Variants in NKAIN2 observed in about 807,000 individuals in gnomAD.
The protein encoded by NKAIN2 is sodium/potassium-transporting ATPase subunit beta-1-interacting protein 2.
NKAIN2 carries 14 observed loss-of-function variants against 32.6 expected under a neutral mutation model. That is an observed-to-expected ratio of 0.43 (90% CI 0.28 to 0.67). NKAIN2 has a LOEUF of 0.67. Among genes scored for constraint, NKAIN2 ranks in the 30% least tolerant of loss-of-function variants. The pLI is 0.17. For missense variants in NKAIN2, 198 were observed against 258.3 expected (o/e 0.77, Z 1.60); for synonymous variants, 80 against 87.2 (o/e 0.92, Z 0.46).
At chr6:124,661,336 G>C (rs542983570) in intron 4 of NKAIN2, among the ~76,000 whole-genome samples, 60 of 152,298 alleles carry the variant, frequency 3.9e-4, no homozygotes, top group Admixed American at 1.2e-3. Context: ...GCTTAGATCT[G>C]CTTTCATAAA....
chr6:124,165,297 A>T (rs1366576809), intron 1 of NKAIN2, among the ~76,000 whole-genome samples: 1 of 152,076 alleles, frequency 6.6e-6, no homozygotes, highest in African/African-American at 2.4e-5. Flanking sequence ...AAAAATTGGA[A>T]TCACTAATTA....
chr6:124,604,852 C>T, intron 3 of NKAIN2, among the ~76,000 whole-genome samples: 1 of 151,888 alleles, frequency 6.6e-6, no homozygotes, highest in East Asian at 1.9e-4. Context: ...TGACATTATT[C>T]CCTACAACAA....
chr6:124,331,389 C>T (rs916365539), intron 2 of NKAIN2, among the ~76,000 whole-genome samples: 8 of 112,718 alleles, frequency 7.1e-5, no homozygotes, highest in Admixed American at 5.2e-4. Context: ...ACTAGCTGGG[C>T]GTGGTGGCGG....
intron 1 of NKAIN2, among the ~76,000 whole-genome samples, chr6:124,020,271 T>C (rs920402708): frequency 4.6e-5 from 7 of 152,156 alleles, no homozygotes; most frequent in African/African-American, 1.7e-4. Context: ...CCAAAATTAA[T>C]GGATATCACA....
intron 1 of NKAIN2, among the ~76,000 whole-genome samples, chr6:124,134,456 CG>C (rs915427699): frequency 5.3e-5 from 8 of 152,006 alleles, no homozygotes; most frequent in Non-Finnish European, 1.2e-4. Flanking sequence ...GAGGCCAAGG[CG>C]GGTGGATCAC....
At chr6:124,269,770 T>C (rs1794668740) in intron 1 of NKAIN2, among the ~76,000 whole-genome samples, 2 of 151,982 alleles carry the variant, frequency 1.3e-5, no homozygotes, top group Admixed American at 1.3e-4. Flanking sequence ...ATAGGGCCTC[T>C]AGTTGCAATT....
chr6:124,103,319 G>A (rs1165774915), intron 1 of NKAIN2, among the ~76,000 whole-genome samples: 3 of 152,068 alleles, frequency 2.0e-5, no homozygotes, highest in Non-Finnish European at 2.9e-5. Context: ...TATTATCAAC[G>A]TGGGGATTTA....
intron 1 of NKAIN2, among the ~76,000 whole-genome samples, chr6:124,129,609 C>T (rs933463395): frequency 7.2e-5 from 11 of 152,034 alleles, no homozygotes; most frequent in Non-Finnish European, 1.3e-4. Flanking sequence ...TTCTTTTCTC[C>T]TTCTGAACAG....
chr6:124,576,216 T>C (rs759244229), intron 3 of NKAIN2, among the ~76,000 whole-genome samples: 21 of 152,242 alleles, frequency 1.4e-4, no homozygotes, highest in Non-Finnish European at 2.6e-4. Context: ...ATGATGGTTG[T>C]CTGTAAAGAA....
At chr6:124,675,800 G>GT (rs965531173) in intron 4 of NKAIN2, among the ~76,000 whole-genome samples, 13 of 150,102 alleles carry the variant, frequency 8.7e-5, no homozygotes, top group African/African-American at 3.2e-4. Flanking sequence ...TAGTTTTTTT[G>GT]TTTTTTTAAT....
In NKAIN2 at chr6:124,567,316, T is replaced by A. The variant is rs185226507; in HGVS notation, c.274-90870T>A. Reference sequence around the variant, plus strand: ...TCACCAATAATTGGGCTTTCAACTCTGTCCAGTAATTCTACTATGTATTTC... The same window carrying A: ...TCACCAATAATTGGGCTTTCAACTCAGTCCAGTAATTCTACTATGTATTTC... On this transcript the variant is annotated intron_variant, in intron 3 of 6. Transcript: ENST00000368417. Among the ~76,000 whole-genome samples the A allele has an allele frequency of 1.6e-3, 239 of 152,346 alleles. 1 individual carries two copies. Among genetic ancestry groups the A allele is most frequent in the Non-Finnish European group, 3.0e-3 (201 of 68,030 alleles).
At chr6:124,413,448 A>T (rs569041512) in intron 3 of NKAIN2, among the ~76,000 whole-genome samples, 1 of 152,134 alleles carries the variant, frequency 6.6e-6, no homozygotes, top group African/African-American at 2.4e-5. Flanking sequence ...ACCACGCTGT[A>T]TTGATTTCTG....
chr6:124,655,227 T>C (rs1784498430), intron 3 of NKAIN2, among the ~76,000 whole-genome samples: 1 of 152,124 alleles, frequency 6.6e-6, no homozygotes, highest in Non-Finnish European at 1.5e-5. Context: ...TAGATGATGA[T>C]AGCTGTGTTC....
At chr6:124,674,875 G>A (rs1022293536) in intron 4 of NKAIN2, among the ~76,000 whole-genome samples, 16 of 151,900 alleles carry the variant, frequency 1.1e-4, no homozygotes, top group Admixed American at 9.8e-4. Flanking sequence ...ATCTTGGTGA[G>A]GACTTCCAAT....
intron 1 of NKAIN2, among the ~76,000 whole-genome samples, chr6:124,020,746 C>T (rs1780826305): frequency 6.6e-6 from 1 of 152,004 alleles, no homozygotes; most frequent in Admixed American, 6.6e-5. Flanking sequence ...AACTGAGGCA[C>T]CGAATTTAGG....
chr6:124,785,293 T>C (rs1029266194), intron 4 of NKAIN2, among the ~76,000 whole-genome samples: 1 of 152,154 alleles, frequency 6.6e-6, no homozygotes, highest in African/African-American at 2.4e-5. Flanking sequence ...AATATTTTAA[T>C]TTATTTCAGG....
intron 1 of NKAIN2, among the ~76,000 whole-genome samples, chr6:123,972,380 A>T (rs1778383626): frequency 6.6e-6 from 1 of 152,176 alleles, no homozygotes; most frequent in African/African-American, 2.4e-5. Context: ...TCATCACAGA[A>T]CTCAAGGGAT....
At chr6:124,511,416 G>T (rs577893583) in intron 3 of NKAIN2, among the ~76,000 whole-genome samples, 3 of 152,250 alleles carry the variant, frequency 2.0e-5, no homozygotes, top group African/African-American at 7.2e-5. Flanking sequence ...AGGTCACTTT[G>T]TTCCTTCTTC....
intron 1 of NKAIN2, among the ~76,000 whole-genome samples, chr6:123,935,463 C>G (rs1225057785): frequency 1.3e-5 from 2 of 151,548 alleles, no homozygotes; most frequent in East Asian, 1.9e-4. Flanking sequence ...TTTTTATAAA[C>G]TATCAGTATA....
Sources: allele counts gnomAD v4.1 joint callset (sites outside exome capture counted in the v4.1 genomes callset), GRCh38; gene constraint gnomAD v4.1.1; transcripts MANE v1.5; gene names NCBI Gene and HGNC (gene_info 2026-07-23, HGNC 2026-07-21).